The following CCDC85A variants were observed in gnomAD, a reference collection of about 807,000 sequenced individuals.
CCDC85A encodes coiled-coil domain-containing protein 85A.
CCDC85A carries 38 observed loss-of-function variants against 50.2 expected under a neutral mutation model. The observed-to-expected ratio is 0.76, with a 90% CI of 0.58 to 0.99. CCDC85A has a LOEUF of 0.99. Among genes scored for constraint, CCDC85A ranks in the 50% least tolerant of loss-of-function variants. The probability of loss-of-function intolerance (pLI) is 0.00; values close to 1 mark genes in which losing one functional copy is unlikely to be tolerated. For missense variants in CCDC85A, 820 were observed against 742.0 expected (o/e 1.11, Z -1.22); for synonymous variants, 366 against 301.4 (o/e 1.21, Z -2.22).
chr2:56,210,288 A>G (rs1041967565), intron 2 of CCDC85A, among the ~76,000 whole-genome samples: 1 of 152,100 alleles, frequency 6.6e-6, no homozygotes, highest in Non-Finnish European at 1.5e-5. Context: ...GAAAATTCAT[A>G]TACAAATCTA....
chr2:56,184,117 G>A lies in CCDC85A; in HGVS notation c.-508G>A, dbSNP rs932631383. 2 of 975,520 alleles carry A rather than the reference G, an allele frequency of 2.1e-6. No individual in the cohort carries two copies. The highest frequency in any genetic ancestry group is 1.8e-5 in the African/African-American group (1 of 57,098). 60.4% of individuals were successfully genotyped at this position (975,520 alleles called of 1,614,324 possible). On this transcript the variant is annotated 5_prime_UTR_variant, in exon 1 of 6. Coordinates refer to ENST00000407595, the MANE Select transcript of CCDC85A (RefSeq NM_001080433.2). Reference sequence around the variant, plus strand: ...CCGCGGCGGCGTCGCTAGAGCAGCCGGGGAGGCGCCGCGGTGCCCGGCGCG... The same window carrying A: ...CCGCGGCGGCGTCGCTAGAGCAGCCAGGGAGGCGCCGCGGTGCCCGGCGCG...
At chr2:56,307,446 A>C (rs1159823286) in intron 2 of CCDC85A, among the ~76,000 whole-genome samples, 1 of 152,054 alleles carries the variant, frequency 6.6e-6, no homozygotes, top group Non-Finnish European at 1.5e-5. Context: ...CAGTGATAGG[A>C]GGTAGTGTAG....
chr2:56,205,255 G>A (rs878972217), intron 2 of CCDC85A, among the ~76,000 whole-genome samples: 1 of 152,066 alleles, frequency 6.6e-6, no homozygotes, highest in Admixed American at 6.6e-5. Flanking sequence ...GTGGCACCAG[G>A]CTCTTCGTAT....
chr2:56,377,890 A>C (rs1172508969), intron 5 of CCDC85A, among the ~76,000 whole-genome samples: 1 of 151,192 alleles, frequency 6.6e-6, no homozygotes, highest in Admixed American at 6.6e-5. Context: ...TCCGTCTCAA[A>C]AAAAAAAAAA....
At chr2:56,371,293 C>G (rs1353864860) in intron 3 of CCDC85A, among the ~76,000 whole-genome samples, 2 of 152,052 alleles carry the variant, frequency 1.3e-5, no homozygotes, top group African/African-American at 4.8e-5. Context: ...TCTTACTTCA[C>G]TTAAGACCAT....
intron 2 of CCDC85A, among the ~76,000 whole-genome samples, chr2:56,237,307 A>C (rs1407942863): frequency 6.6e-6 from 1 of 152,210 alleles, no homozygotes; most frequent in Non-Finnish European, 1.5e-5. Flanking sequence ...TCCTTATTAC[A>C]ATTATAATTA....
At chr2:56,300,862 A>T (rs1672169803) in intron 2 of CCDC85A, among the ~76,000 whole-genome samples, 1 of 152,188 alleles carries the variant, frequency 6.6e-6, no homozygotes, top group African/African-American at 2.4e-5. Context: ...TTGCCTTGCA[A>T]GGTCGATGAA....
At position 56,359,222 on chromosome 2, in the gene CCDC85A, G is replaced by A. The variant is rs576317163; in HGVS notation, c.1318-13122G>A. ...TGAGTTATCAGTACTGGGATTTGAA[G>A]TGTGCTGTGATTTAACCAGTGGTAG... On this transcript the variant is annotated intron_variant, in intron 3 of 5. Coordinates refer to ENST00000407595, the MANE Select transcript of CCDC85A (RefSeq NM_001080433.2). Among the ~76,000 whole-genome samples, 130 of 152,280 alleles carry A rather than the reference G, an allele frequency of 8.5e-4. No individual in the cohort carries two copies. The East Asian group carries it at 0.024, about 28-fold the overall frequency.
In CCDC85A at chr2:56,385,779, C is replaced by T. The variant is rs1162901538; in HGVS notation, c.*1424C>T. 2 of 151,644 alleles carry T rather than the reference C, an allele frequency of 1.3e-5. No homozygotes were observed. Among genetic ancestry groups the T allele is most frequent in the African/African-American group, 4.8e-5 (2 of 41,354 alleles). The allele number at this position is 151,644 out of a possible 1,614,324, so 9.4% of individuals were successfully genotyped here. On this transcript the variant is annotated 3_prime_UTR_variant, in exon 6 of 6. Coordinates refer to ENST00000407595, the MANE Select transcript of CCDC85A (RefSeq NM_001080433.2). ...AAATGTTACTGTGATGAAAAATCAT[C>T]TATTTTCAGAAAATATTTATGAATT...
chr2:56,326,405 C>G (rs1428694843), intron 2 of CCDC85A, among the ~76,000 whole-genome samples: 1 of 152,050 alleles, frequency 6.6e-6, no homozygotes, highest in Non-Finnish European at 1.5e-5. Flanking sequence ...GCTTGCTTGA[C>G]CAAATTGACT....
chr2:56,317,555 T>C (rs945847792), intron 2 of CCDC85A, among the ~76,000 whole-genome samples: 2 of 152,074 alleles, frequency 1.3e-5, no homozygotes, highest in Admixed American at 1.3e-4. Flanking sequence ...TTTTTCCTCA[T>C]TAAGAGGAAA....
intron 2 of CCDC85A, among the ~76,000 whole-genome samples, chr2:56,213,938 C>T (rs752183160): frequency 1.3e-5 from 2 of 151,862 alleles, no homozygotes; most frequent in African/African-American, 4.8e-5. Context: ...GGAAGGTATA[C>T]AGTCAACAGC....
intron 3 of CCDC85A, among the ~76,000 whole-genome samples, chr2:56,359,766 G>C (rs567638190): frequency 1.3e-5 from 2 of 152,280 alleles, no homozygotes; most frequent in African/African-American, 4.8e-5. Context: ...GCATTTTTCA[G>C]GTTCTTCATA....
chr2:56,253,469 T>C (rs921264075), intron 2 of CCDC85A, among the ~76,000 whole-genome samples: 11 of 152,050 alleles, frequency 7.2e-5, no homozygotes, highest in African/African-American at 2.7e-4. Flanking sequence ...TAGTACAGTA[T>C]GTGGTAGGGT....
chr2:56,244,014 T>C (rs79234816), intron 2 of CCDC85A, among the ~76,000 whole-genome samples: 6,230 of 152,270 alleles, frequency 0.041, 219 homozygotes, highest in Admixed American at 0.12. Flanking sequence ...TCTTTCTTTC[T>C]TTACTAAAGC....
At chr2:56,234,613 A>G (rs1453241143) in intron 2 of CCDC85A, among the ~76,000 whole-genome samples, 1 of 151,860 alleles carries the variant, frequency 6.6e-6, no homozygotes, top group Non-Finnish European at 1.5e-5. Flanking sequence ...TACCTATTTC[A>G]CCTCAGTCAC....
chr2:56,184,664 G>C lies in CCDC85A; in HGVS notation c.40G>C (p.Ala14Pro). Residue 14 changes from alanine (A) to proline (P), a missense_variant, in exon 1 of 6, where the codon GCG becomes CCG. Coordinates refer to ENST00000407595, the MANE Select transcript of CCDC85A (RefSeq NM_001080433.2). ...AAGGAAAAAA[A>P]AESCSPAPAG... ...CGGAGGCGCGGCGGCGGCTGCGGCG[G>C]CGGCGGAAAGTTGTTCCCCAGCCCC... The C allele has an allele frequency of 6.9e-7, 1 of 1,459,020 alleles. No homozygotes were observed. Among genetic ancestry groups the C allele is most frequent in the Non-Finnish European group, 8.9e-7 (1 of 1,117,918 alleles). The allele number at this position is 1,459,020 out of a possible 1,614,324, so 90.4% of individuals were successfully genotyped here. A position where few individuals can be genotyped will look rare whatever the true frequency, so the allele number is the denominator to read the frequency against.
intron 2 of CCDC85A, among the ~76,000 whole-genome samples, chr2:56,307,427 T>G (rs1160930947): frequency 2.0e-5 from 3 of 152,166 alleles, no homozygotes; most frequent in Non-Finnish European, 4.4e-5. Flanking sequence ...GTAACACTAG[T>G]GCCTAACCCA....
At chr2:56,270,075 C>T (rs1670632909) in intron 2 of CCDC85A, among the ~76,000 whole-genome samples, 1 of 152,116 alleles carries the variant, frequency 6.6e-6, no homozygotes, top group Admixed American at 6.5e-5. Flanking sequence ...CGTTTCATTG[C>T]ATAAATTATT....
Sources: gnomAD v4.1 joint callset for allele counts (sites outside exome capture counted in the v4.1 genomes callset) on GRCh38, gnomAD v4.1.1 for gene constraint, MANE v1.5 for transcripts, NCBI Gene and HGNC (gene_info 2026-07-23, HGNC 2026-07-21) for gene names.